Variants in DRD3 observed in about 807,000 individuals in gnomAD.
The protein encoded by DRD3 is D(3) dopamine receptor.
DRD3 carries 19 observed loss-of-function variants against 36.3 expected under a neutral mutation model. The observed-to-expected ratio is 0.52, with a 90% CI of 0.36 to 0.77. The LOEUF is 0.77. Among genes scored for constraint, DRD3 ranks in the 30% least tolerant of loss-of-function variants. The pLI is 0.00. For missense variants in DRD3, 465 were observed against 505.3 expected (o/e 0.92, Z 0.77); for synonymous variants, 195 against 203.7 (o/e 0.96, Z 0.36).
At chr3:114,148,163 C>A (rs572545915) in intron 3 of DRD3, among the ~76,000 whole-genome samples, 9 of 152,314 alleles carry the variant, frequency 5.9e-5, no homozygotes, top group African/African-American at 2.2e-4. Context: ...TGCTGGAGAG[C>A]TTCTTTATCG....
chr3:114,145,921 T>A (rs77403251), intron 4 of DRD3, among the ~76,000 whole-genome samples: 5,278 of 152,158 alleles, frequency 0.035, 290 homozygotes, highest in African/African-American at 0.12. Flanking sequence ...GTAGATCAAG[T>A]TTACTTATTT....
At chr3:114,182,845 A>C (rs1274368067), upstream of DRD3, among the ~76,000 whole-genome samples, 2 of 152,226 alleles carry the variant, frequency 1.3e-5, no homozygotes, top group East Asian at 3.9e-4. Context: ...CTTTCTTTTC[A>C]AGGCTGAATA....
At chr3:114,170,258 G>A (rs1395946815) in intron 2 of DRD3, among the ~76,000 whole-genome samples, 1 of 152,168 alleles carries the variant, frequency 6.6e-6, no homozygotes. Flanking sequence ...GAGGCAGATG[G>A]TATTAGCAGG....
At chr3:114,172,068 T>C in intron 1 of DRD3, 41 bp from the exon 2 acceptor site, 2 of 1,333,754 alleles carry the variant, frequency 1.5e-6, no homozygotes, top group African/African-American at 1.5e-5. Context: ...AATCAGACTC[T>C]TTGGGGCTTG....
chr3:114,180,784 G>A (rs2077942989), upstream of DRD3, among the ~76,000 whole-genome samples: 1 of 152,116 alleles, frequency 6.6e-6, no homozygotes, highest in Admixed American at 6.5e-5. Context: ...CTCCTGGGTT[G>A]AATGTGAACT....
chr3:114,197,304 A>G (rs1316656828), intron 1 of DRD3, among the ~76,000 whole-genome samples: 2 of 65,130 alleles, frequency 3.1e-5, no homozygotes, highest in African/African-American at 9.4e-5. Context: ...TTTTTTTTGT[A>G]GAGAAGAGGT....
At chr3:114,156,720 T>C (rs1342031734) in intron 3 of DRD3, among the ~76,000 whole-genome samples, 1 of 2,016 alleles carries the variant, frequency 5.0e-4, no homozygotes, top group Non-Finnish European at 3.8e-3. Flanking sequence ...TGCCTGTCTT[T>C]CTTTCTTTCT....
intron 5 of DRD3, 117 bp downstream of exon 5, chr3:114,139,383 G>T: frequency 5.1e-6 from 5 of 979,224 alleles, no homozygotes; most frequent in East Asian, 4.9e-5. Flanking sequence ...TTCCAAAGTC[G>T]GTGTCAGATT....
intron 3 of DRD3, among the ~76,000 whole-genome samples, chr3:114,154,347 A>ATG (rs1374028324): frequency 3.6e-3 from 520 of 143,148 alleles, no homozygotes; most frequent in African/African-American, 0.014. Flanking sequence ...GTGTGTGTGT[A>ATG]TGTGTGTGTG....
chr3:114,198,456 C>T (rs2078048502), intron 1 of DRD3, among the ~76,000 whole-genome samples: 1 of 151,966 alleles, frequency 6.6e-6, no homozygotes, highest in South Asian at 2.1e-4. Flanking sequence ...ATTTCAATTT[C>T]CAATTGCTTG....
chr3:114,162,798 A>C (rs956255282), intron 2 of DRD3, among the ~76,000 whole-genome samples: 1 of 152,128 alleles, frequency 6.6e-6, no homozygotes, highest in African/African-American at 2.4e-5. Flanking sequence ...AAAGGGATGG[A>C]AGTGGGTAGA....
chr3:114,194,535 G>A (rs536888993), intron 1 of DRD3, among the ~76,000 whole-genome samples: 2 of 152,086 alleles, frequency 1.3e-5, no homozygotes, highest in African/African-American at 2.4e-5. Flanking sequence ...CACCCACCTC[G>A]GCCTCCCAAA....
At chr3:114,195,534 A>G (rs2078032170) in intron 1 of DRD3, among the ~76,000 whole-genome samples, 2 of 152,232 alleles carry the variant, frequency 1.3e-5, no homozygotes. Flanking sequence ...TAAGTTCCAT[A>G]GTACTCTTTA....
At chr3:114,195,798 A>G (rs529199343) in intron 1 of DRD3, among the ~76,000 whole-genome samples, 3 of 152,336 alleles carry the variant, frequency 2.0e-5, no homozygotes, top group East Asian at 3.9e-4. Flanking sequence ...CTTACATATA[A>G]AACACCCATT....
chr3:114,177,089 T>A (rs2077907283), intron 1 of DRD3, among the ~76,000 whole-genome samples: 1 of 152,188 alleles, frequency 6.6e-6, no homozygotes, highest in African/African-American at 2.4e-5. Context: ...CAGACAAATG[T>A]GAAATGGGTA....
At chr3:114,138,779 T>C (rs1364576581) in intron 5 of DRD3, among the ~76,000 whole-genome samples, 1 of 152,214 alleles carries the variant, frequency 6.6e-6, no homozygotes, top group Non-Finnish European at 1.5e-5. Context: ...GGAGGGGTGC[T>C]TTATTTGCTT....
chr3:114,155,160 T>G (rs1035454462), intron 3 of DRD3, among the ~76,000 whole-genome samples: 1 of 152,262 alleles, frequency 6.6e-6, no homozygotes, highest in Non-Finnish European at 1.5e-5. Flanking sequence ...TGGCATTGTG[T>G]GAAGACCAAA....
chr3:114,182,113 G>GAT (rs2077951309), upstream of DRD3, among the ~76,000 whole-genome samples: 2 of 152,148 alleles, frequency 1.3e-5, no homozygotes, highest in South Asian at 4.1e-4. Context: ...TTTTTCACTG[G>GAT]AATCAGACCT....
At chr3:114,152,215 A>C (rs548645469) in intron 3 of DRD3, among the ~76,000 whole-genome samples, 2 of 151,566 alleles carry the variant, frequency 1.3e-5, no homozygotes, top group South Asian at 4.2e-4. Context: ...CCCTCACCCC[A>C]CTCCCCTTCA....
Sources: allele counts gnomAD v4.1 joint callset (sites outside exome capture counted in the v4.1 genomes callset), GRCh38; gene constraint gnomAD v4.1.1; transcripts MANE v1.5; gene names NCBI Gene and HGNC (gene_info 2026-07-23, HGNC 2026-07-21).